SPAST: variants seen among roughly 807,000 people sequenced by gnomAD.
SPAST encodes the protein spastin, also known as spastic paraplegia 4 (autosomal dominant; spastin).
A neutral mutation model predicts 76.6 loss-of-function variants in SPAST; 30 were observed. The observed-to-expected ratio is 0.39, with a 90% CI of 0.29 to 0.53. The LOEUF (loss-of-function observed/expected upper bound fraction) is 0.53, where lower values mean the gene tolerates loss of function less well. Among genes scored for constraint, SPAST ranks in the 20% least tolerant of loss-of-function variants. The pLI is 0.68. For synonymous variants in SPAST, 305 were observed against 281.0 expected, an observed-to-expected ratio of 1.09 and a Z score of -0.86; for missense variants, 717 against 770.5, an observed-to-expected ratio of 0.93 and a Z score of 0.82.
chr2:32,095,057 A>C (rs190866717), intron 3 of SPAST, among the ~76,000 whole-genome samples: 20 of 152,358 alleles, frequency 1.3e-4, no homozygotes, highest in Non-Finnish European at 1.5e-5. Flanking sequence ...GTTGCATTAT[A>C]GACTCTAAGG....
At chr2:32,140,920 T>G (rs1046647928) in intron 12 of SPAST, among the ~76,000 whole-genome samples, 29 of 149,594 alleles carry the variant, frequency 1.9e-4, no homozygotes, top group African/African-American at 6.4e-4. Context: ...TGCTCTTTTT[T>G]GGGGGCAGGT....
chr2:32,127,945 T>C (rs1441653435), intron 8 of SPAST: 1 of 159,252 alleles, frequency 6.3e-6, no homozygotes. Flanking sequence ...AGGAACACAT[T>C]GATTGCCATG....
intron 1 of SPAST, among the ~76,000 whole-genome samples, chr2:32,073,730 C>T (rs1008016017): frequency 2.6e-5 from 4 of 152,150 alleles, no homozygotes; most frequent in South Asian, 2.1e-4. Flanking sequence ...TATTAACAAT[C>T]GCTGATCTTA....
intron 7 of SPAST, among the ~76,000 whole-genome samples, chr2:32,116,701 A>T (rs2148735051): frequency 6.6e-6 from 1 of 152,340 alleles, no homozygotes; most frequent in Non-Finnish European, 1.5e-5. Context: ...ACCTGATGTC[A>T]AGTTATCCAC....
At chr2:32,119,940 T>G (rs1288378373) in intron 7 of SPAST, among the ~76,000 whole-genome samples, 1 of 152,168 alleles carries the variant, frequency 6.6e-6, no homozygotes, top group Non-Finnish European at 1.5e-5. Flanking sequence ...AATGTGATTC[T>G]TTGAGATTTA....
chr2:32,106,189 C>T (rs1392357226), intron 4 of SPAST, among the ~76,000 whole-genome samples: 4 of 152,164 alleles, frequency 2.6e-5, no homozygotes, highest in African/African-American at 9.7e-5. Context: ...GCCTCTTTGC[C>T]GCCTTGCAGT....
intron 16 of SPAST, among the ~76,000 whole-genome samples, chr2:32,149,213 C>G (rs1679994501): frequency 6.6e-6 from 1 of 150,762 alleles, no homozygotes; most frequent in African/African-American, 2.4e-5. Flanking sequence ...CCTCAGCCTC[C>G]TGCGTAGCTG....
rs146853564 is a variant in SPAST, at chr2:32,080,266, T to C, written c.416-7226T>C. The stretch of plus-strand genomic sequence containing the variant: ...TTAATGTTCTTTTCCCATTTTTTAA[T>C]TGGGTTGTTTTTATGTTTATCAATT... On this transcript the variant is annotated intron_variant, in intron 1 of 16. Transcript: ENST00000315285. 3.3e-5 allele frequency among the ~76,000 whole-genome samples: 5 copies of C among 152,344 alleles called. No homozygotes were observed. The East Asian group carries it at 9.6e-4, about 29-fold the overall frequency.
chr2:32,071,133 A>G (rs1676732809), intron 1 of SPAST, among the ~76,000 whole-genome samples: 1 of 152,176 alleles, frequency 6.6e-6, no homozygotes, highest in Non-Finnish European at 1.5e-5. Context: ...TGGGTAGACA[A>G]GCCGGAAATC....
In SPAST at chr2:32,105,187, T is replaced by A. The variant is rs148386583; in HGVS notation, c.682+6296T>A. 4.3e-4 allele frequency among the ~76,000 whole-genome samples: 65 copies of A among 152,310 alleles called. 2 individuals are homozygous for A. The East Asian group carries it at 0.012, about 29-fold the overall frequency. ...TTTTTCTCTAAACTTCTCTTCTGGC[T>A]TCATTTCATTCATTTGATCTTCAAT... On this transcript the variant is annotated intron_variant, in intron 4 of 16. Transcript: ENST00000315285.
intron 8 of SPAST, chr2:32,127,877 CAGG>C (rs1422514788): frequency 6.5e-6 from 1 of 152,924 alleles, no homozygotes; most frequent in Non-Finnish European, 1.5e-5. Flanking sequence ...CATTCTCTCT[CAGG>C]AGGAGAGTAG....
At chr2:32,091,716 C>G (rs1677726485) in intron 3 of SPAST, among the ~76,000 whole-genome samples, 1 of 151,822 alleles carries the variant, frequency 6.6e-6, no homozygotes, top group African/African-American at 2.4e-5. Context: ...CACCTGTAGT[C>G]CCAGCTACTT....
chr2:32,075,997 T>C (rs1274771638), intron 1 of SPAST, among the ~76,000 whole-genome samples: 1 of 145,688 alleles, frequency 6.9e-6, no homozygotes. Context: ...GCCTCCCAGG[T>C]TGAAGTGATT....
At chr2:32,101,881 C>T (rs535965783) in intron 4 of SPAST, among the ~76,000 whole-genome samples, 24 of 151,994 alleles carry the variant, frequency 1.6e-4, no homozygotes, top group Non-Finnish European at 3.2e-4. Flanking sequence ...ACTGTACCTT[C>T]GTAGTATAGT....
rs71407418 is a variant in SPAST, at chr2:32,147,618, TTTTGTTTG to T, written c.1728+385_1728+392del. Reference sequence around the variant, plus strand: ...AGGCTTGAGCCGCTGCATCTGGCTGTTTTGTTTGTTTGTTTGTTTGTTTGTTTGTTTGA... The same window carrying T: ...AGGCTTGAGCCGCTGCATCTGGCTGTTTTGTTTGTTTGTTTGTTTGTTTGA... On this transcript the variant is annotated intron_variant, in intron 16 of 16. Coordinates refer to ENST00000315285, the MANE Select transcript of SPAST (RefSeq NM_014946.4). 1.6e-3 allele frequency among the ~76,000 whole-genome samples: 185 copies of T among 118,960 alleles called. 2 individuals carry two copies. Among genetic ancestry groups the T allele is most frequent in the African/African-American group, 4.2e-3 (135 of 31,930 alleles). 78.0% of individuals were successfully genotyped at this position (118,960 alleles called of 152,430 possible).
At chr2:32,109,847 CATAT>C (rs908879180) in intron 4 of SPAST, among the ~76,000 whole-genome samples, 4 of 148,464 alleles carry the variant, frequency 2.7e-5, no homozygotes, top group African/African-American at 9.8e-5. Flanking sequence ...TATGCATATA[CATAT>C]ATAGTTACAT....
At chr2:32,089,757 G>T in intron 3 of SPAST, 152 bp downstream of exon 3, 1 of 607,142 alleles carries the variant, frequency 1.6e-6, no homozygotes, top group Non-Finnish European at 3.0e-6. Context: ...AAACAGAAGA[G>T]CATAATGGAC....
chr2:32,151,942 T>C (rs1558346267), intron 16 of SPAST, among the ~76,000 whole-genome samples: 3 of 151,894 alleles, frequency 2.0e-5, no homozygotes, highest in Admixed American at 2.0e-4. Context: ...ACCCAACTTA[T>C]CTTTTACAGT....
At chr2:32,081,098 A>G (rs1204909356) in intron 1 of SPAST, among the ~76,000 whole-genome samples, 1 of 152,170 alleles carries the variant, frequency 6.6e-6, no homozygotes, top group Admixed American at 6.5e-5. Flanking sequence ...AGCTGAGGCA[A>G]CAGGCGTGCG....
Sources: gnomAD v4.1 joint callset for allele counts (sites outside exome capture counted in the v4.1 genomes callset) on GRCh38, gnomAD v4.1.1 for gene constraint, MANE v1.5 for transcripts, NCBI Gene and HGNC (gene_info 2026-07-23, HGNC 2026-07-21) for gene names.